Variants in ECE1 observed in about 807,000 individuals in gnomAD.
ECE1 encodes the protein endothelin-converting enzyme 1.
Under a neutral mutation model 98.6 loss-of-function variants are expected in ECE1, and 35 were observed. The observed-to-expected ratio is 0.35, with a 90% CI of 0.27 to 0.47. ECE1 has a LOEUF of 0.47. ECE1 is among the 20% of genes least tolerant of loss of function. The pLI is 1.00. For synonymous variants in ECE1, 394 were observed against 407.1 expected, an observed-to-expected ratio of 0.97 and a Z score of 0.39; for missense variants, 814 against 1,025.3, an observed-to-expected ratio of 0.79 and a Z score of 2.81.
chr1:21,296,438 AGAAG>A (rs1638356940), intron 1 of ECE1, among the ~76,000 whole-genome samples: 1 of 152,176 alleles, frequency 6.6e-6, no homozygotes, highest in African/African-American at 2.4e-5. Flanking sequence ...GCTTGAGCCT[AGAAG>A]GTTGAGGCTA....
intron 1 of ECE1, among the ~76,000 whole-genome samples, chr1:21,296,699 G>A (rs1186269748): frequency 6.6e-6 from 1 of 152,198 alleles, no homozygotes; most frequent in African/African-American, 2.4e-5. Flanking sequence ...AAAGGAAGCA[G>A]CTTGCCAGAG....
intron 10 of ECE1, 153 bp from the exon 11 acceptor site, chr1:21,238,397 C>T: frequency 1.4e-6 from 1 of 693,250 alleles, no homozygotes; most frequent in Non-Finnish European, 2.6e-6. Context: ...AGTCACCGGA[C>T]CAAGAGGCCA....
chr1:21,279,395 G>C, intron 2 of ECE1, 63 bp from the exon 3 acceptor site: 1 of 1,612,924 alleles, frequency 6.2e-7, no homozygotes. Flanking sequence ...TTCCCTTGGA[G>C]GAAGGGGTTC....
rs531081376 is a variant in ECE1, at chr1:21,307,558, C to T, written c.4-17402G>A. On this transcript the variant is annotated intron_variant, in intron 1 of 18. Transcript: ENST00000415912. This position sits in a 1 kb window ranked among gnomAD's most constrained non-coding sequence, Gnocchi z 4.2. ...ATCACTACAGTCATTGATGTGAGGA[C>T]GTCAGCAGCAGAGGGGCCTCCAGAG... 1.3e-5 allele frequency among the ~76,000 whole-genome samples: 2 copies of T among 152,152 alleles called. No homozygotes were observed. Among genetic ancestry groups the T allele is most frequent in the Admixed American group, 6.5e-5 (1 of 15,282 alleles).
chr1:21,317,313 A>T (rs988677554), intron 1 of ECE1, among the ~76,000 whole-genome samples: 1 of 152,104 alleles, frequency 6.6e-6, no homozygotes, highest in Non-Finnish European at 1.5e-5. Flanking sequence ...CTCTTCTGAG[A>T]ATTAAACAAG....
At chr1:21,236,161 C>G (rs1214237560) in intron 12 of ECE1, among the ~76,000 whole-genome samples, 1 of 152,256 alleles carries the variant, frequency 6.6e-6, no homozygotes, top group African/African-American at 2.4e-5. Context: ...GACTCCCATC[C>G]CACTGGAGGG....
At chr1:21,317,998 A>C (rs1427706858) in intron 1 of ECE1, among the ~76,000 whole-genome samples, 2 of 152,210 alleles carry the variant, frequency 1.3e-5, no homozygotes, top group African/African-American at 2.4e-5. Flanking sequence ...AAACACATGC[A>C]AAGCAGGGCC....
At chr1:21,247,503 C>A in intron 8 of ECE1, 140 bp from the exon 9 acceptor site, 1 of 1,232,666 alleles carries the variant, frequency 8.1e-7, no homozygotes, top group Non-Finnish European at 1.2e-6. Flanking sequence ...GAGAGTCAAG[C>A]GGAGCCTGGC....
chr1:21,330,392 C>G (rs1280949236), intron 1 of ECE1, among the ~76,000 whole-genome samples: 1 of 151,714 alleles, frequency 6.6e-6, no homozygotes, highest in African/African-American at 2.4e-5. Context: ...CCATGCCCAG[C>G]TAATTGTTTC....
intron 1 of ECE1, among the ~76,000 whole-genome samples, chr1:21,335,478 C>A (rs774880368): frequency 6.6e-6 from 1 of 152,144 alleles, no homozygotes; most frequent in Non-Finnish European, 1.5e-5. Context: ...AAGATGAGGA[C>A]GCTGCAGCCC....
intron 8 of ECE1, among the ~76,000 whole-genome samples, chr1:21,252,847 G>A (rs1489270448): frequency 2.0e-5 from 3 of 152,134 alleles, no homozygotes; most frequent in Non-Finnish European, 4.4e-5. Context: ...GGGTGACATC[G>A]CTAATAACAA....
At chr1:21,306,541 T>A (rs1020357996) in intron 1 of ECE1, among the ~76,000 whole-genome samples, 79 of 152,160 alleles carry the variant, frequency 5.2e-4, no homozygotes, top group African/African-American at 1.7e-3. Context: ...TTCACCATGT[T>A]GGCCAGGCTG....
chr1:21,284,381 G>C (rs1365964084), intron 2 of ECE1, among the ~76,000 whole-genome samples: 1 of 152,224 alleles, frequency 6.6e-6, no homozygotes, highest in African/African-American at 2.4e-5. Flanking sequence ...GGAAGATGCA[G>C]AATCACTGCA....
chr1:21,294,336 GT>G (rs1013337071), upstream of ECE1: 1 of 152,430 alleles, frequency 6.6e-6, no homozygotes, highest in Middle Eastern at 3.4e-3. The surrounding 1 kb of genome is among the most constrained non-coding windows in gnomAD (Gnocchi z 4.2). Flanking sequence ...CCCCGAGTGT[GT>G]TGGGGAAGGT....
intron 9 of ECE1, 111 bp downstream of exon 9, chr1:21,247,110 C>G: frequency 6.6e-7 from 1 of 1,503,882 alleles, no homozygotes. Context: ...CGTAAAAGCC[C>G]GCCCAGGTCC....
intron 6 of ECE1, among the ~76,000 whole-genome samples, 191 bp from the exon 7 acceptor site, chr1:21,257,781 C>A (rs1274437093): frequency 1.4e-5 from 2 of 141,298 alleles, no homozygotes; most frequent in Admixed American, 7.1e-5. Context: ...TGCCTGTCCA[C>A]GTGGCCCCCC....
At chr1:21,232,776 A>C (rs1016581656) in intron 14 of ECE1, among the ~76,000 whole-genome samples, 2 of 151,234 alleles carry the variant, frequency 1.3e-5, no homozygotes, top group Non-Finnish European at 2.9e-5. Flanking sequence ...GGTTCAAGCA[A>C]TTCTCGTGCC....
At chr1:21,311,101 G>A (rs997040255) in intron 1 of ECE1, among the ~76,000 whole-genome samples, 1 of 152,196 alleles carries the variant, frequency 6.6e-6, no homozygotes, top group African/African-American at 2.4e-5. Flanking sequence ...GATGAAATGA[G>A]AGAATGTAGA....
chr1:21,253,245 C>A (rs1370680888), intron 8 of ECE1, among the ~76,000 whole-genome samples: 1 of 151,658 alleles, frequency 6.6e-6, no homozygotes, highest in Non-Finnish European at 1.5e-5. Context: ...TTAGTAGAGA[C>A]GGGGTTTTAC....
Sources: allele counts gnomAD v4.1 joint callset (sites outside exome capture counted in the v4.1 genomes callset), GRCh38; gene constraint gnomAD v4.1.1; non-coding constraint Gnocchi (gnomAD v3.1); transcripts MANE v1.5; gene names NCBI Gene and HGNC (gene_info 2026-07-23, HGNC 2026-07-21).